RNGTT: variants seen among roughly 807,000 people sequenced by gnomAD.
The protein encoded by RNGTT is mRNA-capping enzyme.
RNGTT carries 33 observed loss-of-function variants against 79.3 expected under a neutral mutation model. The observed-to-expected ratio is 0.42, with a 90% confidence interval of 0.32 to 0.56. The LOEUF (loss-of-function observed/expected upper bound fraction) is 0.56, where lower values mean the gene tolerates loss of function less well. Among genes scored for constraint, RNGTT ranks in the 20% least tolerant of loss-of-function variants. The pLI is 0.17. For missense variants in RNGTT, 497 were observed against 739.1 expected, an observed-to-expected ratio of 0.67 and a Z score of 3.80; for synonymous variants, 222 against 235.9, an observed-to-expected ratio of 0.94 and a Z score of 0.54.
intron 8 of RNGTT, 31 bp downstream of exon 8, chr6:88,890,464 T>G (rs751017329): frequency 1.7e-5 from 23 of 1,348,340 alleles, no homozygotes; most frequent in Middle Eastern, 3.6e-4. Context: ...ATTAGGGTTA[T>G]TTGTGTAATT....
intron 14 of RNGTT, among the ~76,000 whole-genome samples, chr6:88,650,370 CCTA>C (rs2127777498): frequency 6.6e-6 from 1 of 152,280 alleles, no homozygotes; most frequent in South Asian, 2.1e-4. Flanking sequence ...ATGCAACCAA[CCTA>C]CTCATTCCGA....
chr6:88,728,940 G>C (rs952989154), intron 13 of RNGTT, among the ~76,000 whole-genome samples: 3 of 152,236 alleles, frequency 2.0e-5, no homozygotes, highest in Non-Finnish European at 4.4e-5. Flanking sequence ...TGTTATGCTT[G>C]TATGCATGGC....
At chr6:88,724,127 AT>A (rs766948913) in intron 13 of RNGTT, among the ~76,000 whole-genome samples, 9 of 152,208 alleles carry the variant, frequency 5.9e-5, no homozygotes, top group Non-Finnish European at 1.2e-4. Flanking sequence ...GCTAAGGTTA[AT>A]TTATTGTTGA....
At chr6:88,743,050 C>A (rs941758631) in intron 13 of RNGTT, among the ~76,000 whole-genome samples, 2 of 152,056 alleles carry the variant, frequency 1.3e-5, no homozygotes, top group Non-Finnish European at 2.9e-5. Flanking sequence ...AAAGCTAGAT[C>A]TGAAATAATA....
At chr6:88,709,030 C>T (rs145689973) in intron 13 of RNGTT, among the ~76,000 whole-genome samples, 1 of 152,170 alleles carries the variant, frequency 6.6e-6, no homozygotes, top group African/African-American at 2.4e-5. Context: ...TGAGGATTGG[C>T]CAGGTGCAGT....
chr6:88,728,236 C>T (rs184938482), intron 13 of RNGTT, among the ~76,000 whole-genome samples: 2 of 152,338 alleles, frequency 1.3e-5, no homozygotes, highest in Non-Finnish European at 2.9e-5. Context: ...TTGCTTCAAA[C>T]TTTTGCATTT....
At chr6:88,951,240 G>A (rs1042209524) in intron 1 of RNGTT, among the ~76,000 whole-genome samples, 27 of 152,196 alleles carry the variant, frequency 1.8e-4, no homozygotes, top group Admixed American at 1.0e-3. Flanking sequence ...CAGATGAGGA[G>A]TTGCTTCTTA....
intron 14 of RNGTT, among the ~76,000 whole-genome samples, chr6:88,671,761 A>G (rs1774648962): frequency 6.6e-6 from 1 of 152,244 alleles, no homozygotes; most frequent in Admixed American, 6.5e-5. Context: ...ACAGGCAGGT[A>G]GACCAATGGA....
chr6:88,859,099 C>G (rs1781925840), intron 8 of RNGTT, among the ~76,000 whole-genome samples: 1 of 151,958 alleles, frequency 6.6e-6, no homozygotes, highest in Non-Finnish European at 1.5e-5. Flanking sequence ...TCAAGCAATC[C>G]TCCCACCTCA....
chr6:88,743,424 T>C (rs1463003810), intron 13 of RNGTT, among the ~76,000 whole-genome samples: 1 of 148,916 alleles, frequency 6.7e-6, no homozygotes, highest in Admixed American at 6.7e-5. Flanking sequence ...ACCATTCATC[T>C]CCATAAGTTT....
intron 14 of RNGTT, among the ~76,000 whole-genome samples, chr6:88,625,340 A>C (rs1562155532): frequency 6.6e-6 from 1 of 152,054 alleles, no homozygotes; most frequent in Non-Finnish European, 1.5e-5. Context: ...AATGCCCTTC[A>C]AATGGTGAAT....
At chr6:88,931,417 G>C (rs1784510235) in intron 2 of RNGTT, among the ~76,000 whole-genome samples, 2 of 152,152 alleles carry the variant, frequency 1.3e-5, no homozygotes, top group African/African-American at 4.8e-5. Context: ...AACCTGTGTG[G>C]TATGTGGTGA....
At chr6:88,874,383 A>T (rs1782451182) in intron 8 of RNGTT, among the ~76,000 whole-genome samples, 1 of 152,144 alleles carries the variant, frequency 6.6e-6, no homozygotes, top group South Asian at 2.1e-4. Context: ...AAAGTAATCC[A>T]TCTTCATGAA....
intron 13 of RNGTT, among the ~76,000 whole-genome samples, chr6:88,718,141 T>TTA (rs1286310022): frequency 6.6e-6 from 1 of 152,026 alleles, no homozygotes; most frequent in East Asian, 1.9e-4. Context: ...GCCTGTAATC[T>TTA]TAGCACTTTG....
At chr6:88,957,877 C>A (rs1274418874) in intron 1 of RNGTT, among the ~76,000 whole-genome samples, 1 of 152,066 alleles carries the variant, frequency 6.6e-6, no homozygotes, top group African/African-American at 2.4e-5. Flanking sequence ...CCAGAAAAAG[C>A]AATCCTAAAA....
Position 88,900,752 on chromosome 6 carries a change from GAAT to G in RNGTT, c.684+3960_684+3962del, listed in dbSNP as rs562717705. Among the ~76,000 whole-genome samples the G allele has an allele frequency of 4.7e-3, 379 of 79,942 alleles. 3 individuals carry two copies. Among genetic ancestry groups the G allele is most frequent in the African/African-American group, 0.017 (349 of 20,024 alleles). 52.4% of individuals were successfully genotyped at this position (79,942 alleles called of 152,430 possible). On this transcript the variant is annotated intron_variant, in intron 6 of 15. Coordinates refer to ENST00000369485, the MANE Select transcript of RNGTT (RefSeq NM_003800.5). Reference sequence around the variant, plus strand: ...CTGTCTCAAAAAAAATAAATAAAAAGAATAAAAAAAAAAAACAAGAAAATATCC... The same window carrying G: ...CTGTCTCAAAAAAAATAAATAAAAAGAAAAAAAAAAAACAAGAAAATATCC...
chr6:88,786,478 G>C (rs923311007), intron 12 of RNGTT, among the ~76,000 whole-genome samples: 1 of 152,000 alleles, frequency 6.6e-6, no homozygotes, highest in African/African-American at 2.4e-5. Flanking sequence ...CCAAAAATTA[G>C]CAATTCAAAA....
chr6:88,951,603 G>C (rs1004823757), intron 1 of RNGTT, among the ~76,000 whole-genome samples: 4 of 152,212 alleles, frequency 2.6e-5, no homozygotes, highest in Middle Eastern at 3.2e-3. Context: ...CAAAGTGTGA[G>C]AGGGGGGATA....
At chr6:88,731,923 A>C (rs969591250) in intron 13 of RNGTT, among the ~76,000 whole-genome samples, 4 of 152,202 alleles carry the variant, frequency 2.6e-5, no homozygotes, top group Non-Finnish European at 5.9e-5. Context: ...AAGTAGGCTA[A>C]AGGAAAGAAA....
Sources: gnomAD v4.1 joint callset for allele counts (sites outside exome capture counted in the v4.1 genomes callset) on GRCh38, gnomAD v4.1.1 for gene constraint, MANE v1.5 for transcripts, NCBI Gene and HGNC (gene_info 2026-07-23, HGNC 2026-07-21) for gene names.